The following SKOR1 variants were observed in gnomAD, a reference collection of about 807,000 sequenced individuals.
SKOR1 encodes the protein LBX1 corepressor 1.
SKOR1 carries 38 observed loss-of-function variants against 72.4 expected under a neutral mutation model. The observed-to-expected ratio is 0.52, with a 90% CI of 0.40 to 0.69. The LOEUF (loss-of-function observed/expected upper bound fraction) is 0.69, where lower values mean the gene tolerates loss of function less well. Among genes scored for constraint, SKOR1 ranks in the 30% least tolerant of loss-of-function variants. The probability of loss-of-function intolerance (pLI) is 0.00; values close to 1 mark genes in which losing one functional copy is unlikely to be tolerated. For synonymous variants in SKOR1, 642 were observed against 599.4 expected, an observed-to-expected ratio of 1.07 and a Z score of -1.04; for missense variants, 1,320 against 1,343.2, an observed-to-expected ratio of 0.98 and a Z score of 0.27.
At position 67,828,076 on chromosome 15, in the gene SKOR1, C is replaced by A. The variant is rs1015169815; in HGVS notation, c.2248C>A (p.Pro750Thr). ...DLVRRPERSP[P>T]SGGGGYELRE... ...GGTGCGGAGACCTGAGAGGAGCCCG[C>A]CAAGCGGCGGCGGCGGCTACGAGCT... Residue 750 changes from proline (P) to threonine (T), a missense_variant, in exon 2 of 9, where the codon CCA (proline) becomes ACA (threonine). Pro to Thr is a conservative substitution (Grantham distance 38). Around this residue, in one of 3 missense-constraint regions of SKOR1, gnomAD observed 1,099 missense variants for 1,025.5 expected, o/e 1.07. Transcript: ENST00000380035. The A allele has an allele frequency of 2.0e-6, 3 of 1,527,770 alleles. No homozygotes were observed. Among genetic ancestry groups the A allele is most frequent in the South Asian group, 2.4e-5 (2 of 82,568 alleles). The allele number at this position is 1,527,770 out of a possible 1,614,324, so 94.6% of individuals were successfully genotyped here. A position where few individuals can be genotyped will look rare whatever the true frequency, so the allele number is the denominator to read the frequency against.
chr15:67,829,397 A>C (rs1234035693), intron 3 of SKOR1, 128 bp downstream of exon 3: 5 of 829,652 alleles, frequency 6.0e-6, no homozygotes, highest in Non-Finnish European at 7.3e-6. Context: ...AAAGAAAAAT[A>C]ATGAAAACAA....
chr15:67,827,439 C>T lies in SKOR1; in HGVS notation c.1611C>T (p.Asp537=). 2 of 1,522,458 alleles carry T rather than the reference C, an allele frequency of 1.3e-6. No individual in the cohort carries two copies. The highest frequency in any genetic ancestry group is 1.8e-6 in the Non-Finnish European group (2 of 1,141,922). The allele number at this position is 1,522,458 out of a possible 1,614,324, so 94.3% of individuals were successfully genotyped here. ...GCAGCGGTGCCCCAGAGCCCCTGGA[C>T]GGTGCCGAGCCAGCCAAAGAGAGTG... ...AAGSGAPEPL[D]GAEPAKESGL... Residue 537 remains aspartate (D), a synonymous_variant, in exon 2 of 9, where the codon GAC becomes GAT. Coordinates refer to ENST00000380035, the MANE Select transcript of SKOR1 (RefSeq NM_001365915.1).
In SKOR1 at chr15:67,834,040, C is replaced by T. The variant is rs2091029415; in HGVS notation, c.*204C>T. On this transcript the variant is annotated 3_prime_UTR_variant, in exon 9 of 9. Transcript: ENST00000380035. This position sits in a 1 kb window ranked among gnomAD's most constrained non-coding sequence, Gnocchi z 5.8. ...CTGTCCAGGGCCCCGGCTTGGTTTC[C>T]AAGTGTAAATACCGCCTCGCGCCTC... is the stretch of plus-strand genomic sequence containing the variant. 1.6e-6 allele frequency: 1 copy of T among 623,508 alleles called. No individual in the cohort carries two copies. Among genetic ancestry groups the T allele is most frequent in the Admixed American group, 2.6e-5 (1 of 38,840 alleles). 38.6% of individuals were successfully genotyped at this position (623,508 alleles called of 1,614,324 possible).
Position 67,826,094 on chromosome 15 carries a change from C to T in SKOR1, c.266C>T (p.Ser89Leu), listed in dbSNP as rs574005398. The T allele has an allele frequency of 4.4e-6, 7 of 1,599,126 alleles. No individual in the cohort carries two copies. The highest frequency in any genetic ancestry group is 6.0e-6 in the Non-Finnish European group (7 of 1,170,002). ...TCGCTGTACGGGGTGCCCATTGTGTCGCTGGTCATCGACGGCCAGGAGCGC... is the reference window on the plus strand; with the variant it reads ...TCGCTGTACGGGGTGCCCATTGTGTTGCTGGTCATCGACGGCCAGGAGCGC... ...ETSLYGVPIV[S>L]LVIDGQERLC... The change falls in exon 2 of 9, where the codon TCG becomes TTG. Residue 89 changes from serine (S) to leucine (L), a missense_variant. Coordinates refer to ENST00000380035, the MANE Select transcript of SKOR1 (RefSeq NM_001365915.1).
chr15:67,827,785 G>A lies in SKOR1; in HGVS notation c.1957G>A (p.Val653Met). ...CAGCTACAATTCCGCCTCGCCCGAC[G>A]TGGACACCGCGGACGAGCCCGAGGT... ...SSSYNSASPDVDTADEPEVDV... is the reference protein window; with the variant it reads ...SSSYNSASPDMDTADEPEVDV... Residue 653 changes from valine to methionine, a missense_variant, in exon 2 of 9, where the codon GTG becomes ATG. Physicochemically the swap from Val to Met is conservative, Grantham distance 21. This residue lies in a region of SKOR1 where 1,099 missense variants were observed against 1,025.5 expected (regional missense o/e 1.07). Coordinates refer to ENST00000380035, the MANE Select transcript of SKOR1 (RefSeq NM_001365915.1). The A allele has an allele frequency of 1.3e-6, 2 of 1,567,472 alleles. No individual in the cohort carries two copies. Among genetic ancestry groups the A allele is most frequent in the Non-Finnish European group, 1.7e-6 (2 of 1,156,042 alleles).
chr15:67,831,073 G>A (rs1387815970), intron 5 of SKOR1, among the ~76,000 whole-genome samples, 184 bp downstream of exon 5: 1 of 152,172 alleles, frequency 6.6e-6, no homozygotes, highest in Non-Finnish European at 1.5e-5. Flanking sequence ...CTGGCACAGA[G>A]GTATGTATGT....
chr15:67,828,042 C>T lies in SKOR1; in HGVS notation c.2214C>T (p.Ala738=), dbSNP rs1156628270. ...AGRPAFGDLA[A]EDLVRRPERS... is the part of the protein sequence containing the mutation. The stretch of plus-strand genomic sequence containing the variant: ...GGCCCGCATTTGGGGACTTGGCAGC[C>T]GAAGACTTGGTGCGGAGACCTGAGA... The change falls in exon 2 of 9, where the codon GCC becomes GCT. Residue 738 remains alanine, a synonymous_variant. Coordinates refer to ENST00000380035, the MANE Select transcript of SKOR1 (RefSeq NM_001365915.1). 3.9e-6 allele frequency: 6 copies of T among 1,539,116 alleles called. No individual in the cohort carries two copies. The highest frequency in any genetic ancestry group is 4.0e-5 in the Admixed American group (2 of 50,534).
rs1378522465 is a variant in SKOR1 at position 67,832,425 on chromosome 15, CG to C, written c.2662+80del. The C allele has an allele frequency of 3.4e-5, 52 of 1,531,936 alleles. No homozygotes were observed. Among genetic ancestry groups the C allele is most frequent in the Non-Finnish European group, 4.0e-5 (44 of 1,110,186 alleles). 94.9% of individuals were successfully genotyped at this position (1,531,936 alleles called of 1,614,324 possible). ...GGGTGCCCCGACCTACTCCGAAAGCCGGGTGCCAGGCAACTGGTACTAGGTG... is the reference window on the plus strand; with the variant it reads ...GGGTGCCCCGACCTACTCCGAAAGCCGGTGCCAGGCAACTGGTACTAGGTG... On this transcript the variant is annotated intron_variant, in intron 6 of 8. Coordinates refer to ENST00000380035, the MANE Select transcript of SKOR1 (RefSeq NM_001365915.1). The surrounding 1 kb of genome is among the most constrained non-coding windows in gnomAD (Gnocchi z 4.5).
In SKOR1 at chr15:67,826,118, G is replaced by A. The variant is rs765430040; in HGVS notation, c.290G>A (p.Arg97His). 6.2e-6 allele frequency: 10 copies of A among 1,601,416 alleles called. No homozygotes were observed. Among genetic ancestry groups the A allele is most frequent in the Non-Finnish European group, 8.5e-6 (10 of 1,171,334 alleles). ...TCGCTGGTCATCGACGGCCAGGAGC[G>A]CCTATGCCTGGCGCAGATCTCCAAC... The part of the protein sequence containing the change: ...IVSLVIDGQE[R>H]LCLAQISNTL... The change falls in exon 2 of 9, where the codon CGC becomes CAC. Residue 97 changes from arginine to histidine, a missense_variant. Around this residue, in one of 3 missense-constraint regions of SKOR1, gnomAD observed 120 missense variants for 104.9 expected, o/e 1.14. Coordinates refer to ENST00000380035, the MANE Select transcript of SKOR1 (RefSeq NM_001365915.1).
Position 67,826,923 on chromosome 15 carries a change from C to A in SKOR1, c.1095C>A (p.Gly365=), listed in dbSNP as rs548588160. ...SGPAGPGGPG[G]GAGVRSYPVI... is the part of the protein sequence containing the mutation. ...CGGCGGGCCCAGGAGGGCCCGGTGG[C>A]GGCGCCGGCGTACGAAGCTACCCGG... Residue 365 remains glycine (G), a synonymous_variant, in exon 2 of 9, where the codon GGC becomes GGA. Coordinates refer to ENST00000380035, the MANE Select transcript of SKOR1 (RefSeq NM_001365915.1). 7.0e-6 allele frequency: 11 copies of A among 1,563,910 alleles called. No homozygotes were observed. The Admixed American group carries it at 7.1e-5, about 10-fold the overall frequency.
At chr15:67,829,360 G>A (rs1365685695) in intron 3 of SKOR1, 91 bp downstream of exon 3, 5 of 1,091,948 alleles carry the variant, frequency 4.6e-6, no homozygotes, top group Non-Finnish European at 6.4e-6. Context: ...AAGACAAGGA[G>A]AGAGACGCAG....
Position 67,833,611 on chromosome 15 carries a change from C to T in SKOR1, c.2804-131C>T. Reference sequence around the variant, plus strand: ...CAGCTTTTGTCCTACCCTCCTGCCTCCTCCTGATCCGCTCGGTTGAGATTC... The same window carrying T: ...CAGCTTTTGTCCTACCCTCCTGCCTTCTCCTGATCCGCTCGGTTGAGATTC... On this transcript the variant is annotated intron_variant, in intron 8 of 8. Coordinates refer to ENST00000380035, the MANE Select transcript of SKOR1 (RefSeq NM_001365915.1). The surrounding 1 kb of genome is among the most constrained non-coding windows in gnomAD (Gnocchi z 6.0). The T allele has an allele frequency of 1.1e-6, 1 of 936,268 alleles. No individual in the cohort carries two copies. The highest frequency in any genetic ancestry group is 2.4e-5 in the East Asian group (1 of 41,552). 58.0% of individuals were successfully genotyped at this position (936,268 alleles called of 1,614,324 possible).
chr15:67,832,700 G>A lies in SKOR1; in HGVS notation c.2737+19G>A. The A allele has an allele frequency of 1.2e-6, 2 of 1,611,182 alleles. No homozygotes were observed. Among genetic ancestry groups the A allele is most frequent in the Non-Finnish European group, 1.7e-6 (2 of 1,177,586 alleles). On this transcript the variant is annotated intron_variant, in intron 7 of 8. Transcript: ENST00000380035. This position sits in a 1 kb window ranked among gnomAD's most constrained non-coding sequence, Gnocchi z 4.5. The stretch of plus-strand genomic sequence containing the variant: ...GTCAGAGGTAAGACGGGAGTCAGGT[G>A]AGCTCGTGCACGGGCCGTAACTGCC...
chr15:67,833,178 C>T lies in SKOR1; in HGVS notation c.2738-14C>T. ...GTCTGCGTTTCCTCACTGGCCCCTC[C>T]CCTTGTCTTCCAGATACCCTGTGTA... On this transcript the variant is annotated splice_polypyrimidine_tract_variant and intron_variant, in intron 7 of 8. Transcript: ENST00000380035. The surrounding 1 kb of genome is among the most constrained non-coding windows in gnomAD (Gnocchi z 6.0). 6.2e-7 allele frequency: 1 copy of T among 1,614,054 alleles called. No homozygotes were observed. The highest frequency in any genetic ancestry group is 1.1e-5 in the South Asian group (1 of 91,072).
At chr15:67,831,078 G>A (rs1296747935) in intron 5 of SKOR1, among the ~76,000 whole-genome samples, 189 bp downstream of exon 5, 1 of 152,184 alleles carries the variant, frequency 6.6e-6, no homozygotes, top group East Asian at 1.9e-4. Context: ...ACAGAGGTAT[G>A]TATGTGTGGG....
Position 67,832,791 on chromosome 15 carries a change from A to C in SKOR1, c.2737+110A>C. On this transcript the variant is annotated intron_variant, in intron 7 of 8. Coordinates refer to ENST00000380035, the MANE Select transcript of SKOR1 (RefSeq NM_001365915.1). The surrounding 1 kb of genome is among the most constrained non-coding windows in gnomAD (Gnocchi z 4.5). ...GATTTAAATTGAAGGTAATTTAACA[A>C]TTATTTTTTTATTTAATATGCTTTG... The C allele has an allele frequency of 1.1e-6, 1 of 918,520 alleles. No homozygotes were observed. Among genetic ancestry groups the C allele is most frequent in the Non-Finnish European group, 1.7e-6 (1 of 586,236 alleles). The allele number at this position is 918,520 out of a possible 1,614,324, so 56.9% of individuals were successfully genotyped here.
rs1204826336 is a variant in SKOR1, at chr15:67,832,733, T to C, written c.2737+52T>C. On this transcript the variant is annotated intron_variant, in intron 7 of 8. Coordinates refer to ENST00000380035, the MANE Select transcript of SKOR1 (RefSeq NM_001365915.1). This position sits in a 1 kb window ranked among gnomAD's most constrained non-coding sequence, Gnocchi z 4.5. ...GCACGGGCCGTAACTGCCTCTCGTC[T>C]GGCAGGAGCCGCAATGTTGGCTCAG... is the stretch of plus-strand genomic sequence containing the variant. 1.4e-6 allele frequency: 2 copies of C among 1,453,974 alleles called. No homozygotes were observed. The highest frequency in any genetic ancestry group is 3.4e-5 in the Admixed American group (2 of 58,300). The allele number at this position is 1,453,974 out of a possible 1,614,324, so 90.1% of individuals were successfully genotyped here.
At chr15:67,830,395 C>A in intron 4 of SKOR1, 97 bp downstream of exon 4, 1 of 1,001,448 alleles carries the variant, frequency 1.0e-6, no homozygotes, top group Non-Finnish European at 1.5e-6. Context: ...GGCTTTTAAT[C>A]AAGTGTAAGC....
rs1360648487 is a variant in SKOR1 at position 67,827,953 on chromosome 15, G to T, written c.2125G>T (p.Ala709Ser). 4 of 1,564,968 alleles carry T rather than the reference G, an allele frequency of 2.6e-6. No individual in the cohort carries two copies. The highest frequency in any genetic ancestry group is 3.5e-6 in the Non-Finnish European group (4 of 1,157,588). The change falls in exon 2 of 9, where the codon GCA (alanine) becomes TCA (serine). Residue 709 changes from alanine (A) to serine (S), a missense_variant. By Grantham distance (99) the Ala-to-Ser change is moderately conservative. Around this residue, in one of 3 missense-constraint regions of SKOR1, gnomAD observed 1,099 missense variants for 1,025.5 expected, o/e 1.07. Coordinates refer to ENST00000380035, the MANE Select transcript of SKOR1 (RefSeq NM_001365915.1). ...SATSSGADGPANSPDGGSPRP... is the reference protein window; with the variant it reads ...SATSSGADGPSNSPDGGSPRP... ...CACCTCCTCTGGCGCGGACGGTCCC[G>T]CAAACTCTCCCGACGGCGGCAGCCC...
Sources: allele counts gnomAD v4.1 joint callset (sites outside exome capture counted in the v4.1 genomes callset), GRCh38; gene constraint gnomAD v4.1.1; regional missense constraint gnomAD v4.1.1; non-coding constraint Gnocchi (gnomAD v3.1); transcripts MANE v1.5; gene names NCBI Gene and HGNC (gene_info 2026-07-23, HGNC 2026-07-21).